Variants in TVP23A observed in about 807,000 individuals in gnomAD.
TVP23A encodes the protein trans-golgi network vesicle protein 23 homolog A, also known as Golgi apparatus membrane protein TVP23 homolog A.
A neutral mutation model predicts 31.7 loss-of-function variants in TVP23A; 21 were observed. The ratio of observed to expected loss-of-function variants is 0.66; its 90% CI spans 0.47 to 0.95. The LOEUF is 0.95. Ranked by LOEUF, TVP23A falls within the 40% of genes least tolerant of loss-of-function variation. TVP23A has a pLI of 0.00. For synonymous variants in TVP23A, 104 were observed against 96.0 expected (o/e 1.08, Z -0.49); for missense variants, 279 against 255.6 (o/e 1.09, Z -0.62).
At chr16:10,775,317 C>A in intron 2 of TVP23A, 3 of 1,379,964 alleles carry the variant, frequency 2.2e-6, no homozygotes, top group Non-Finnish European at 2.8e-6. Context: ...TCCTCCCCTT[C>A]GAAGAATCCA....
Position 10,768,178 on chromosome 16 carries a change from G to A in TVP23A, c.*924C>T. The A allele has an allele frequency of 9.5e-6, 6 of 630,278 alleles. No individual in the cohort carries two copies. The South Asian group carries it at 1.2e-4, about 13-fold the overall frequency. 39.0% of individuals were successfully genotyped at this position (630,278 alleles called of 1,614,324 possible). On this transcript the variant is annotated 3_prime_UTR_variant, in exon 8 of 8. Transcript: ENST00000299866. The surrounding 1 kb of genome is among the most constrained non-coding windows in gnomAD (Gnocchi z 4.3). ...ATAGCCGAGGAAGCCAGGAGTCCAT[G>A]AGAAATCTCTCAATGTGTGAGTATT... is the stretch of plus-strand genomic sequence containing the variant.
chr16:10,761,799 C>T (rs977539782), downstream of TVP23A: 11 of 1,614,140 alleles, frequency 6.8e-6, no homozygotes, highest in Non-Finnish European at 9.3e-6. Flanking sequence ...GGGCGCGGAG[C>T]TCATGTGCCA....
At chr16:10,791,481 T>C (rs1014083735) in intron 2 of TVP23A, among the ~76,000 whole-genome samples, 1 of 152,170 alleles carries the variant, frequency 6.6e-6, no homozygotes, top group African/African-American at 2.4e-5. Flanking sequence ...GCTGCAGACA[T>C]AGACAAGCAA....
chr16:10,800,445 T>C (rs1034095833), intron 2 of TVP23A: 4 of 152,234 alleles, frequency 2.6e-5, no homozygotes, highest in Non-Finnish European at 5.9e-5. Context: ...ATATTTAATA[T>C]GGTGTTTATG....
At chr16:10,813,717 C>T (rs1331739341) in intron 2 of TVP23A, among the ~76,000 whole-genome samples, 1 of 152,096 alleles carries the variant, frequency 6.6e-6, no homozygotes, top group African/African-American at 2.4e-5. Flanking sequence ...TAAGAATTCC[C>T]TTTCTAGGCC....
chr16:10,805,507 A>T (rs2033901255), intron 2 of TVP23A, among the ~76,000 whole-genome samples: 1 of 149,696 alleles, frequency 6.7e-6, no homozygotes, highest in Non-Finnish European at 1.5e-5. Context: ...AATGCAGGGA[A>T]TCCATGAACA....
At chr16:10,785,273 G>A (rs1031541590) in intron 2 of TVP23A, among the ~76,000 whole-genome samples, 2 of 152,018 alleles carry the variant, frequency 1.3e-5, no homozygotes, top group Non-Finnish European at 2.9e-5. Context: ...GTTTGGTGGC[G>A]GAAGCCTGTA....
In TVP23A at chr16:10,791,188, CG is replaced by C. The variant is rs370625038; in HGVS notation, c.90-16093del. ...CATTAATAGTCAACATTTTTGAGAA[CG>C]GAAGAAAGAGGAAAAAACCATGACC... On this transcript the variant is annotated intron_variant, in intron 2 of 7. Coordinates refer to ENST00000299866, the MANE Select transcript of TVP23A (RefSeq NM_001079512.4). Among the ~76,000 whole-genome samples, 55 of 152,138 alleles carry C rather than the reference CG, an allele frequency of 3.6e-4. No homozygotes were observed. In the East Asian group the frequency reaches 8.9e-3, roughly 25 times the overall value.
intron 2 of TVP23A, chr16:10,775,517 G>A: frequency 1.9e-6 from 2 of 1,040,450 alleles, no homozygotes; most frequent in Non-Finnish European, 2.3e-6. Flanking sequence ...CCACGGGGCA[G>A]GTGTCTCATG....
In TVP23A at chr16:10,766,859, A is replaced by G. The variant is rs909973411; in HGVS notation, c.*2243T>C. The stretch of plus-strand genomic sequence containing the variant: ...GTAAAGTTACAAAGTCATTTACGGC[A>G]TACGTCCTATGGAGAGGACATTTCC... On this transcript the variant is annotated 3_prime_UTR_variant, in exon 8 of 8. Coordinates refer to ENST00000299866, the MANE Select transcript of TVP23A (RefSeq NM_001079512.4). This position sits in a 1 kb window ranked among gnomAD's most constrained non-coding sequence, Gnocchi z 4.8. The G allele has an allele frequency of 4.0e-5, 16 of 398,294 alleles. No individual in the cohort carries two copies. Among genetic ancestry groups the G allele is most frequent in the African/African-American group, 3.3e-4 (16 of 48,626 alleles). The allele number at this position is 398,294 out of a possible 1,614,324, so 24.7% of individuals were successfully genotyped here.
At chr16:10,796,148 G>A (rs2033375197) in intron 2 of TVP23A, among the ~76,000 whole-genome samples, 1 of 152,086 alleles carries the variant, frequency 6.6e-6, no homozygotes, top group Non-Finnish European at 1.5e-5. Flanking sequence ...AGGAGTTTGA[G>A]ACCAACCTGG....
At chr16:10,766,401 G>A (rs991234985), downstream of TVP23A, among the ~76,000 whole-genome samples, 9 of 152,192 alleles carry the variant, frequency 5.9e-5, no homozygotes, top group Admixed American at 3.9e-4. This position sits in a 1 kb window ranked among gnomAD's most constrained non-coding sequence, Gnocchi z 4.8. Flanking sequence ...GAGCCCAGGG[G>A]GAAATGCAGT....
downstream of TVP23A, chr16:10,761,042 T>A (rs974559577): frequency 6.7e-5 from 15 of 225,094 alleles, no homozygotes; most frequent in Non-Finnish European, 1.3e-4. Flanking sequence ...AGAGAGAGAG[T>A]GTGTAGGAGG....
At chr16:10,762,549 G>A (rs932882168), downstream of TVP23A, among the ~76,000 whole-genome samples, 8 of 152,354 alleles carry the variant, frequency 5.3e-5, no homozygotes, top group East Asian at 3.9e-4. Flanking sequence ...CCAGGACCGC[G>A]GAGCCGGGCG....
At chr16:10,810,230 T>A (rs922367020) in intron 2 of TVP23A, among the ~76,000 whole-genome samples, 26 of 151,096 alleles carry the variant, frequency 1.7e-4, no homozygotes, top group African/African-American at 5.6e-4. Context: ...AAAAAAAAAA[T>A]TAGCATTTGA....
rs1313217426 is a variant in TVP23A at position 10,791,055 on chromosome 16, AC to A, written c.90-15960del. Reference sequence around the variant, plus strand: ...CCATTCAGTTGGTTGGGGGGCTTAGACTTTTATTTTTGGTTTACAGGCTTCT... The same window carrying A: ...CCATTCAGTTGGTTGGGGGGCTTAGATTTTATTTTTGGTTTACAGGCTTCT... On this transcript the variant is annotated intron_variant, in intron 2 of 7. Coordinates refer to ENST00000299866, the MANE Select transcript of TVP23A (RefSeq NM_001079512.4). Among the ~76,000 whole-genome samples the A allele has an allele frequency of 5.9e-5, 9 of 152,172 alleles. No individual in the cohort carries two copies. In the East Asian group the frequency reaches 1.4e-3, roughly 23 times the overall value.
intron 2 of TVP23A, among the ~76,000 whole-genome samples, chr16:10,808,297 A>G (rs17763310): frequency 0.029 from 4,467 of 152,284 alleles, 175 homozygotes; most frequent in East Asian, 0.16. Flanking sequence ...TTTGTATCCA[A>G]TGGCAGATAA....
downstream of TVP23A, among the ~76,000 whole-genome samples, chr16:10,762,593 C>CT: frequency 6.6e-6 from 1 of 152,288 alleles, no homozygotes; most frequent in South Asian, 2.1e-4. Context: ...AGTGGGGCTC[C>CT]TGCGGGGCGT....
chr16:10,769,236 G>A (rs2031346367), intron 7 of TVP23A, 135 bp from the exon 8 acceptor site: 1 of 706,992 alleles, frequency 1.4e-6, no homozygotes. Context: ...GTGGTCCGAA[G>A]CCACTTTCTC....
Sources: gnomAD v4.1 joint callset for allele counts (sites outside exome capture counted in the v4.1 genomes callset) on GRCh38, gnomAD v4.1.1 for gene constraint, Gnocchi (gnomAD v3.1) non-coding constraint, MANE v1.5 for transcripts, NCBI Gene and HGNC (gene_info 2026-07-23, HGNC 2026-07-21) for gene names.